The following SFMBT2 variants were observed in gnomAD, a reference collection of about 807,000 sequenced individuals.
SFMBT2 encodes Scm like with four mbt domains 2.
SFMBT2 carries 38 observed loss-of-function variants against 110.1 expected under a neutral mutation model. The ratio of observed to expected loss-of-function variants is 0.35; its 90% confidence interval spans 0.27 to 0.45. The LOEUF is 0.45. Among genes scored for constraint, SFMBT2 ranks in the 20% least tolerant of loss-of-function variants. The pLI, the probability that SFMBT2 is intolerant of heterozygous loss-of-function variation, is 1.00. For synonymous variants in SFMBT2, 425 were observed against 425.4 expected (o/e 1.00, Z 0.01); for missense variants, 1,011 against 1,094.9 (o/e 0.92, Z 1.08).
chr10:7,229,707 T>A (rs1159683568), intron 9 of SFMBT2, among the ~76,000 whole-genome samples: 1 of 145,354 alleles, frequency 6.9e-6, no homozygotes, highest in African/African-American at 2.6e-5. Context: ...TCTCAATATA[T>A]CCTATTTTTT....
rs1764664276 is a variant in SFMBT2 at position 7,301,336 on chromosome 10, G to C, written c.437-15382C>G. On this transcript the variant is annotated intron_variant, in intron 4 of 20. Transcript: ENST00000397167. The surrounding 1 kb of genome is among the most constrained non-coding windows in gnomAD (Gnocchi z 4.2). ...CCAGTCCCTCTACAGGGATCGTTTT[G>C]AAAGGAGAGATGCCACAGAAACGCT... 6.6e-6 allele frequency among the ~76,000 whole-genome samples: 1 copy of C among 152,234 alleles called. No homozygotes were observed. Among genetic ancestry groups the C allele is most frequent in the South Asian group, 2.1e-4 (1 of 4,836 alleles).
At chr10:7,350,930 G>T (rs1844294042) in intron 4 of SFMBT2, among the ~76,000 whole-genome samples, 1 of 152,168 alleles carries the variant, frequency 6.6e-6, no homozygotes, top group East Asian at 1.9e-4. Flanking sequence ...ACACCCTCTG[G>T]ATCTGTGGAT....
At chr10:7,207,727 G>A (rs1368603322) in intron 11 of SFMBT2, among the ~76,000 whole-genome samples, 1 of 152,182 alleles carries the variant, frequency 6.6e-6, no homozygotes, top group African/African-American at 2.4e-5. Context: ...AGCTCCACCG[G>A]CTCTGACTTT....
At chr10:7,262,896 A>C (rs909134248) in intron 7 of SFMBT2, among the ~76,000 whole-genome samples, 1 of 152,172 alleles carries the variant, frequency 6.6e-6, no homozygotes, top group African/African-American at 2.4e-5. Flanking sequence ...GAACAGGCAA[A>C]GGATCCCACA....
intron 4 of SFMBT2, among the ~76,000 whole-genome samples, chr10:7,354,341 T>G (rs1486916522): frequency 6.6e-6 from 1 of 152,138 alleles, no homozygotes; most frequent in Non-Finnish European, 1.5e-5. Context: ...TTGATCAAAA[T>G]AACACGAATA....
At chr10:7,203,240 C>T (rs185944613) in intron 12 of SFMBT2, 1 of 359,804 alleles carries the variant, frequency 2.8e-6, no homozygotes, top group East Asian at 1.7e-4. Flanking sequence ...CTCTTTAAAG[C>T]AAAATGTATG....
At chr10:7,271,993 C>A (rs923077894) in intron 7 of SFMBT2, among the ~76,000 whole-genome samples, 1 of 152,086 alleles carries the variant, frequency 6.6e-6, no homozygotes, top group African/African-American at 2.4e-5. Context: ...GGACACAGAG[C>A]CAAACCATAT....
At chr10:7,280,352 T>A (rs1436070582) in intron 6 of SFMBT2, among the ~76,000 whole-genome samples, 4 of 151,876 alleles carry the variant, frequency 2.6e-5, no homozygotes, top group Non-Finnish European at 5.9e-5. Flanking sequence ...TTCAGAAACT[T>A]CCTGACTCCA....
chr10:7,386,040 G>T (rs1490130443), intron 1 of SFMBT2, among the ~76,000 whole-genome samples: 5 of 152,080 alleles, frequency 3.3e-5, no homozygotes, highest in Admixed American at 6.6e-5. Context: ...CAAGCTCTCA[G>T]ATTTCAAACT....
chr10:7,400,467 A>T (rs1846046677), intron 1 of SFMBT2, among the ~76,000 whole-genome samples: 1 of 152,132 alleles, frequency 6.6e-6, no homozygotes, highest in Admixed American at 6.5e-5. Context: ...CAGAGGGTAG[A>T]TTAGGGAGAA....
At chr10:7,167,820 C>T (rs1299516762) in intron 20 of SFMBT2, among the ~76,000 whole-genome samples, 1 of 152,118 alleles carries the variant, frequency 6.6e-6, no homozygotes, top group African/African-American at 2.4e-5. Context: ...GAAAGTCTAT[C>T]TATTTTTCTC....
chr10:7,172,096 G>C lies in SFMBT2; in HGVS notation c.2214C>G (p.Ser738=). ...TGTCCGTCTGGTCATCCCGGAGCTC[G>C]GAGCCGGTCTCCTCACTGGCGGTGT... ...DDDTASEETG[S]ELRDDQTDTS... Residue 738 remains serine (S), a synonymous_variant, in exon 19 of 21, where the codon TCC becomes TCG. Transcript: ENST00000397167. The surrounding 1 kb of genome is among the most constrained non-coding windows in gnomAD (Gnocchi z 4.6). 1 of 1,604,974 alleles carries C rather than the reference G, an allele frequency of 6.2e-7. No individual in the cohort carries two copies. The highest frequency in any genetic ancestry group is 2.2e-5 in the East Asian group (1 of 44,598).
At position 7,220,540 on chromosome 10, in the gene SFMBT2, G is replaced by A; in HGVS notation, c.1204-3C>T. On this transcript the variant is annotated splice_region_variant and splice_polypyrimidine_tract_variant and intron_variant, in intron 10 of 20. Coordinates refer to ENST00000397167, the MANE Select transcript of SFMBT2 (RefSeq NM_001387889.1). ...GTGAAACCTCGACTGAATGATGTCT[G>A]CAAGAGAAACGAGACCAACACTGAG... 6.2e-7 allele frequency: 1 copy of A among 1,613,958 alleles called. No individual in the cohort carries two copies. The highest frequency in any genetic ancestry group is 8.5e-7 in the Non-Finnish European group (1 of 1,179,924).
At chr10:7,286,364 A>G (rs1331592943) in intron 4 of SFMBT2, 3 of 965,576 alleles carry the variant, frequency 3.1e-6, no homozygotes, top group East Asian at 1.1e-4. Context: ...CAGTTTATAC[A>G]GTTTCAGAAG....
chr10:7,305,624 G>A (rs1842670928), intron 4 of SFMBT2, among the ~76,000 whole-genome samples: 1 of 152,218 alleles, frequency 6.6e-6, no homozygotes, highest in South Asian at 2.1e-4. Flanking sequence ...CAGACAGAGT[G>A]AAATCAACGG....
In SFMBT2 at chr10:7,162,666, C is replaced by G. The variant is rs1588752148; in HGVS notation, c.*1104G>C. ...CCTCCTCTCTGAAACTAAGCTTTTCCTTTGATATATAATCCAACATTTGCC... is the reference window on the plus strand; with the variant it reads ...CCTCCTCTCTGAAACTAAGCTTTTCGTTTGATATATAATCCAACATTTGCC... On this transcript the variant is annotated 3_prime_UTR_variant, in exon 21 of 21. Transcript: ENST00000397167. The G allele has an allele frequency of 6.6e-6, 1 of 152,246 alleles. No homozygotes were observed. Among genetic ancestry groups the G allele is most frequent in the South Asian group, 2.1e-4 (1 of 4,834 alleles). The allele number at this position is 152,246 out of a possible 1,614,324, so 9.4% of individuals were successfully genotyped here. A position where few individuals can be genotyped will look rare whatever the true frequency, so the allele number is the denominator to read the frequency against.
intron 4 of SFMBT2, among the ~76,000 whole-genome samples, chr10:7,309,184 T>A (rs1178914910): frequency 1.3e-5 from 2 of 152,362 alleles, no homozygotes; most frequent in Non-Finnish European, 2.9e-5. Flanking sequence ...AAGAACTGCA[T>A]AGAACAAAGG....
At chr10:7,338,293 T>C (rs775450237) in intron 4 of SFMBT2, among the ~76,000 whole-genome samples, 2 of 152,188 alleles carry the variant, frequency 1.3e-5, no homozygotes, top group African/African-American at 2.4e-5. Context: ...GAATTACAAT[T>C]GACCCTGTAA....
chr10:7,312,622 C>G (rs1316942701), intron 4 of SFMBT2, among the ~76,000 whole-genome samples: 1 of 152,158 alleles, frequency 6.6e-6, no homozygotes, highest in East Asian at 1.9e-4. Flanking sequence ...AAACATCCAG[C>G]AATAATCAGC....
Sources: allele counts gnomAD v4.1 joint callset (sites outside exome capture counted in the v4.1 genomes callset), GRCh38; gene constraint gnomAD v4.1.1; non-coding constraint Gnocchi (gnomAD v3.1); transcripts MANE v1.5; gene names NCBI Gene and HGNC (gene_info 2026-07-23, HGNC 2026-07-21).